DLC1: variants seen among roughly 807,000 people sequenced by gnomAD.
DLC1 encodes DLC1 Rho GTPase activating protein, also known as rho GTPase-activating protein 7.
In DLC1, 54 loss-of-function variants were observed where a neutral mutation model predicts 140.3. The ratio of observed to expected loss-of-function variants is 0.38; its 90% CI spans 0.31 to 0.48. The LOEUF is 0.48. DLC1 is among the 20% of genes least tolerant of loss of function. DLC1 has a pLI of 0.96. For synonymous variants in DLC1, 986 were observed against 728.1 expected, an observed-to-expected ratio of 1.35 and a Z score of -5.70; for missense variants, 2,536 against 1,907.0, an observed-to-expected ratio of 1.33 and a Z score of -6.14.
chr8:13,469,061 T>C (rs59108858), intron 2 of DLC1, among the ~76,000 whole-genome samples: 70,159 of 151,696 alleles, frequency 0.46, 16,447 homozygotes, highest in Middle Eastern at 0.52. Flanking sequence ...CCTCGTGATC[T>C]GCCTGCCTCA....
At chr8:13,570,898 C>A (rs1174987156) in intron 1 of DLC1, among the ~76,000 whole-genome samples, 3 of 152,168 alleles carry the variant, frequency 2.0e-5, no homozygotes, top group East Asian at 3.9e-4. Context: ...ACCTACCAGA[C>A]CCCTGTCCTG....
chr8:13,554,576 T>G (rs1341352457), intron 1 of DLC1, among the ~76,000 whole-genome samples: 1 of 152,182 alleles, frequency 6.6e-6, no homozygotes, highest in Non-Finnish European at 1.5e-5. Context: ...ACTCAATCCT[T>G]TCAGTTTCTC....
Position 13,090,452 on chromosome 8 carries a change from G to A in DLC1, c.3874C>T (p.Arg1292Ter), listed in dbSNP as rs781344948. The A allele has an allele frequency of 1.2e-6, 2 of 1,614,010 alleles. No homozygotes were observed. The highest frequency in any genetic ancestry group is 1.7e-6 in the Non-Finnish European group (2 of 1,180,034). The change falls in exon 15 of 18, where the codon CGA becomes TGA. Residue 1292 changes from arginine (R) to a stop codon, truncating the protein, a stop_gained. Coordinates refer to ENST00000276297, the MANE Select transcript of DLC1 (RefSeq NM_182643.3). LOFTEE classifies it high-confidence loss of function. Reference sequence around the variant, plus strand: ...TGTTCGGTATAGGAATTACGACATCGGCTCATTTCCTCGGGAACCTGTGCG... The same window carrying A: ...TGTTCGGTATAGGAATTACGACATCAGCTCATTTCCTCGGGAACCTGTGCG... ...KLFQVPEEMS[R>*]CRNSYTEQEL...
chr8:13,483,604 G>C (rs1443861384), intron 2 of DLC1, among the ~76,000 whole-genome samples: 2 of 152,170 alleles, frequency 1.3e-5, no homozygotes, highest in Non-Finnish European at 2.9e-5. Flanking sequence ...CTTTCAGGGA[G>C]AGAGAGTGTG....
Position 13,500,066 on chromosome 8 carries a change from A to G in DLC1, c.6T>C (p.Ser2=). 2 of 1,612,722 alleles carry G rather than the reference A, an allele frequency of 1.2e-6. No homozygotes were observed. The highest frequency in any genetic ancestry group is 1.1e-5 in the South Asian group (1 of 91,026). Residue 2 remains serine (S), a synonymous_variant, in exon 2 of 18, where the codon TCT becomes TCC. Transcript: ENST00000276297. M[S]VAIRKRSWEE... is the part of the protein sequence containing the mutation. ...CCCAGCTTCTCTTTCTGATAGCTAC[A>G]GACATGTCATCGTAGTTTAACAACA...
chr8:13,554,952 A>G (rs1803988469), intron 1 of DLC1, among the ~76,000 whole-genome samples: 1 of 152,228 alleles, frequency 6.6e-6, no homozygotes, highest in Non-Finnish European at 1.5e-5. Flanking sequence ...CTCCACTTCC[A>G]TTAATCTGCT....
At chr8:13,476,994 T>C (rs567382809) in intron 2 of DLC1, among the ~76,000 whole-genome samples, 5 of 152,282 alleles carry the variant, frequency 3.3e-5, no homozygotes, top group Middle Eastern at 6.8e-3. Context: ...ACATCAACCT[T>C]ACTGAAAACA....
At chr8:13,277,723 A>G (rs540162205) in intron 5 of DLC1, among the ~76,000 whole-genome samples, 1 of 152,280 alleles carries the variant, frequency 6.6e-6, no homozygotes, top group East Asian at 1.9e-4. Context: ...ATCTTACCTT[A>G]TAATGCACAA....
At chr8:13,450,818 A>T (rs1373142851) in intron 2 of DLC1, among the ~76,000 whole-genome samples, 1 of 151,962 alleles carries the variant, frequency 6.6e-6, no homozygotes, top group East Asian at 1.9e-4. Flanking sequence ...AGGTGGGCGG[A>T]TCAGGAGGTC....
At chr8:13,541,636 G>A (rs1803487045) in intron 1 of DLC1, among the ~76,000 whole-genome samples, 2 of 152,088 alleles carry the variant, frequency 1.3e-5, no homozygotes, top group Admixed American at 6.5e-5. Flanking sequence ...TGCAAGCTCC[G>A]CCTCCCGGGT....
At position 13,438,641 on chromosome 8, in the gene DLC1, A is replaced by T. The variant is rs146521725; in HGVS notation, c.1024-37022T>A. ...ACCCTGGATTCACAGCTGTTTTCCA[A>T]ACTTCCCACATTGAGTCCTTCTGCC... On this transcript the variant is annotated intron_variant, in intron 2 of 17. Transcript: ENST00000276297. 1.9e-3 allele frequency among the ~76,000 whole-genome samples: 290 copies of T among 152,162 alleles called. 2 individuals are homozygous for T. Among genetic ancestry groups the T allele is most frequent in the African/African-American group, 5.0e-3 (206 of 41,512 alleles).
chr8:13,132,129 T>A (rs1333673019), intron 5 of DLC1, among the ~76,000 whole-genome samples: 1 of 151,522 alleles, frequency 6.6e-6, no homozygotes, highest in Non-Finnish European at 1.5e-5. Context: ...CTTGTCCGGG[T>A]CAAGGGGGTG....
intron 1 of DLC1, among the ~76,000 whole-genome samples, chr8:13,550,306 A>C (rs1803801981): frequency 6.6e-6 from 1 of 152,096 alleles, no homozygotes; most frequent in Admixed American, 6.6e-5. Context: ...CATGTGAAGA[A>C]GGTCCTTGCT....
chr8:13,129,406 G>C (rs1234351636), intron 5 of DLC1, among the ~76,000 whole-genome samples: 1 of 152,170 alleles, frequency 6.6e-6, no homozygotes, highest in Admixed American at 6.5e-5. Context: ...CTCTATGGTT[G>C]GGCATTAGTT....
intron 2 of DLC1, among the ~76,000 whole-genome samples, chr8:13,485,790 A>G (rs1297166254): frequency 1.3e-5 from 2 of 152,238 alleles, no homozygotes; most frequent in African/African-American, 4.8e-5. Flanking sequence ...TGAAATGTCA[A>G]AAATAGATTT....
At chr8:13,150,277 A>G (rs1453782742) in intron 5 of DLC1, among the ~76,000 whole-genome samples, 1 of 152,212 alleles carries the variant, frequency 6.6e-6, no homozygotes, top group Non-Finnish European at 1.5e-5. Flanking sequence ...TTCTTTTAAA[A>G]TTAAGTATTG....
chr8:13,100,040 C>A lies in DLC1; in HGVS notation c.2297G>T (p.Ser766Ile), dbSNP rs757442413. 4.2e-5 allele frequency: 68 copies of A among 1,613,094 alleles called. No homozygotes were observed. The South Asian group carries it at 6.3e-4, about 15-fold the overall frequency. Residue 766 changes from serine to isoleucine, a missense_variant, in exon 9 of 18, where the codon AGT (serine) becomes ATT (isoleucine). Coordinates refer to ENST00000276297, the MANE Select transcript of DLC1 (RefSeq NM_182643.3). ...CATGCCCACCCGCTTGTTGCACGCA[C>A]TGAGGCTCCGGGTCCTCGTAACAGG... is the stretch of plus-strand genomic sequence containing the variant. ...PSPVTRTRSL[S>I]ACNKRVGMYL...
At chr8:13,398,233 G>C (rs1442338031) in intron 3 of DLC1, among the ~76,000 whole-genome samples, 1 of 152,040 alleles carries the variant, frequency 6.6e-6, no homozygotes, top group Non-Finnish European at 1.5e-5. Context: ...TAAAGGAAGG[G>C]ATGAGCTAGA....
intron 6 of DLC1, among the ~76,000 whole-genome samples, chr8:13,113,077 A>G (rs1360985535): frequency 6.6e-6 from 1 of 152,224 alleles, no homozygotes; most frequent in Non-Finnish European, 1.5e-5. Flanking sequence ...TTTTTAAAAA[A>G]TCTGGTAGGT....
Sources: allele counts gnomAD v4.1 joint callset (sites outside exome capture counted in the v4.1 genomes callset), GRCh38; gene constraint gnomAD v4.1.1; transcripts MANE v1.5; gene names NCBI Gene and HGNC (gene_info 2026-07-23, HGNC 2026-07-21).